ANKRD26: variants seen among roughly 807,000 people sequenced by gnomAD.
The protein encoded by ANKRD26 is ankyrin repeat domain 26, also known as ankyrin repeat domain-containing protein 26.
A neutral mutation model predicts 208.7 loss-of-function variants in ANKRD26; 141 were observed. The ratio of observed to expected loss-of-function variants is 0.68; its 90% CI spans 0.59 to 0.78. The LOEUF (loss-of-function observed/expected upper bound fraction) is 0.78. ANKRD26 is among the 30% of genes least tolerant of loss of function. The pLI is 0.00. For missense variants in ANKRD26, 1,889 were observed against 1,938.7 expected, an observed-to-expected ratio of 0.97 and a Z score of 0.48; for synonymous variants, 636 against 660.4, an observed-to-expected ratio of 0.96 and a Z score of 0.57.
intron 33 of ANKRD26, 128 bp from the exon 34 acceptor site, chr10:27,005,851 T>C: frequency 9.8e-6 from 11 of 1,126,006 alleles, no homozygotes; most frequent in Non-Finnish European, 1.3e-5. Flanking sequence ...TGCACAACTA[T>C]TATACAATAT....
At chr10:27,082,875 G>GA in intron 5 of ANKRD26, 42 bp from the exon 6 acceptor site, 1 of 1,556,676 alleles carries the variant, frequency 6.4e-7, no homozygotes, top group African/African-American at 1.4e-5. Flanking sequence ...ATCAACAATA[G>GA]AAAAATATAT....
chr10:27,050,580 A>C (rs1406198793), intron 16 of ANKRD26, among the ~76,000 whole-genome samples: 1 of 152,236 alleles, frequency 6.6e-6, no homozygotes, highest in Non-Finnish European at 1.5e-5. Flanking sequence ...AAAGCACATT[A>C]AAAAGATCCC....
At chr10:27,070,207 C>G (rs2055430785) in intron 9 of ANKRD26, among the ~76,000 whole-genome samples, 1 of 151,452 alleles carries the variant, frequency 6.6e-6, no homozygotes, top group Non-Finnish European at 1.5e-5. Context: ...GTGTTCAAGA[C>G]CAGCCAACAT....
Position 26,977,298 on chromosome 10 carries a change from C to G in ANKRD26, c.*282-1256G>C, listed in dbSNP as rs1473289629. ...GAGAAAAGGTCAGGTGAATGTACAT[C>G]TTTATCTACATGTCTAAAATTGTAT... is the stretch of plus-strand genomic sequence containing the variant. On this transcript the variant is annotated intron_variant and NMD_transcript_variant, in intron 5 of 5. Coordinates refer to the ANKRD26 transcript ENST00000674670. 7.2e-5 allele frequency among the ~76,000 whole-genome samples: 11 copies of G among 152,116 alleles called. No individual in the cohort carries two copies. The East Asian group carries it at 1.5e-3, about 21-fold the overall frequency.
chr10:27,023,386 T>A (rs1338972585), intron 28 of ANKRD26, among the ~76,000 whole-genome samples: 2 of 149,110 alleles, frequency 1.3e-5, no homozygotes, highest in South Asian at 2.1e-4. Context: ...ACATGAATGG[T>A]TGAAAAAGAC....
At chr10:26,991,674 C>T (rs1210715910), downstream of ANKRD26, among the ~76,000 whole-genome samples, 1 of 152,186 alleles carries the variant, frequency 6.6e-6, no homozygotes, top group Non-Finnish European at 1.5e-5. Context: ...CTCCCCACCT[C>T]AGGTGATCCA....
the ANKRD26 span, among the ~76,000 whole-genome samples, chr10:26,956,621 G>A: frequency 6.6e-6 from 1 of 151,910 alleles, no homozygotes; most frequent in East Asian, 1.9e-4. Context: ...GACTGAGTGA[G>A]CTTGTGTCTC....
the ANKRD26 span, among the ~76,000 whole-genome samples, chr10:26,954,189 C>T: frequency 6.6e-6 from 1 of 152,148 alleles, no homozygotes; most frequent in Non-Finnish European, 1.5e-5. Flanking sequence ...CCATATTAGC[C>T]AATTTTTATT....
chr10:26,965,078 G>A, the ANKRD26 span, among the ~76,000 whole-genome samples: 1 of 152,112 alleles, frequency 6.6e-6, no homozygotes, highest in Non-Finnish European at 1.5e-5. Flanking sequence ...TAGATTCAAT[G>A]CCATCCCCAT....
At chr10:27,094,721 G>A (rs2056410698) in intron 1 of ANKRD26, among the ~76,000 whole-genome samples, 1 of 152,202 alleles carries the variant, frequency 6.6e-6, no homozygotes, top group Admixed American at 6.5e-5. Flanking sequence ...CAGCGATAAG[G>A]CCAGGCATGG....
In ANKRD26 at chr10:27,035,535, G is replaced by T. The variant is rs1250140494; in HGVS notation, c.2915C>A (p.Ser972Tyr). ...QNEETLTQTI[S>Y]QYNGRLSVLT... is the part of the protein sequence containing the mutation. ...AACACTAAGCCGTCCATTATACTGG[G>T]ATATTGTTTGTGTTAATGTTTCCTC... The change falls in exon 24 of 34, where the codon TCC (serine) becomes TAC (tyrosine). Residue 972 changes from serine to tyrosine, a missense_variant. Physicochemically the swap from Ser to Tyr is moderately radical, Grantham distance 144 (BLOSUM62 -2). Transcript: ENST00000376087. The T allele has an allele frequency of 3.7e-6, 6 of 1,613,738 alleles. No individual in the cohort carries two copies. The highest frequency in any genetic ancestry group is 5.1e-6 in the Non-Finnish European group (6 of 1,179,876).
intron 4 of ANKRD26, among the ~76,000 whole-genome samples, chr10:26,995,648 T>A (rs1454207403): frequency 6.6e-6 from 1 of 152,160 alleles, no homozygotes; most frequent in South Asian, 2.1e-4. Flanking sequence ...ATGGGGAAAG[T>A]TAAACTACGC....
intron 4 of ANKRD26, among the ~76,000 whole-genome samples, chr10:26,997,755 T>C (rs553380682): frequency 1.7e-3 from 263 of 152,314 alleles, no homozygotes; most frequent in African/African-American, 6.1e-3. Flanking sequence ...CAGGTAGCCA[T>C]GTGTTTCGGA....
chr10:27,085,400 G>T (rs2056081019), intron 5 of ANKRD26, among the ~76,000 whole-genome samples: 1 of 152,134 alleles, frequency 6.6e-6, no homozygotes, highest in Non-Finnish European at 1.5e-5. Context: ...CACCTGGCCA[G>T]AAGAACACAT....
intron 16 of ANKRD26, chr10:27,051,773 A>G: frequency 1.0e-6 from 1 of 985,358 alleles, no homozygotes; most frequent in East Asian, 1.1e-4. Flanking sequence ...AATCAAGTAT[A>G]TTATTTGTCA....
At position 27,037,239 on chromosome 10, in the gene ANKRD26, G is replaced by T. The variant is rs2054074053; in HGVS notation, c.2644C>A (p.His882Asn). 1 of 1,613,746 alleles carries T rather than the reference G, an allele frequency of 6.2e-7. No individual in the cohort carries two copies. The highest frequency in any genetic ancestry group is 8.5e-7 in the Non-Finnish European group (1 of 1,179,836). Residue 882 changes from histidine (H) to asparagine (N), a missense_variant, in exon 23 of 34, where the codon CAC (histidine) becomes AAC (asparagine). Physicochemically the swap from His to Asn is moderately conservative, Grantham distance 68. Around this residue, in one of 3 missense-constraint regions of ANKRD26, gnomAD observed 1,272 missense variants for 1,273.8 expected, o/e 1.00. Coordinates refer to ENST00000376087, the MANE Select transcript of ANKRD26 (RefSeq NM_014915.3). ...RMLQDGILTN[H>N]LSKQKEIEMA... ...TCAATCTCCTTTTGTTTGGAAAGGTGATTGGTCAGAATTCCATCTTGTAAC... is the reference window on the plus strand; with the variant it reads ...TCAATCTCCTTTTGTTTGGAAAGGTTATTGGTCAGAATTCCATCTTGTAAC...
At chr10:26,954,112 T>C in the ANKRD26 span, among the ~76,000 whole-genome samples, 1 of 152,242 alleles carries the variant, frequency 6.6e-6, no homozygotes, top group Non-Finnish European at 1.5e-5. Context: ...TACACAGTTA[T>C]TCCCCCAGGA....
chr10:27,054,051 A>G (rs574370128), intron 15 of ANKRD26, among the ~76,000 whole-genome samples: 2 of 152,166 alleles, frequency 1.3e-5, no homozygotes, highest in African/African-American at 4.8e-5. Flanking sequence ...GTCTTCCTCG[A>G]TTAGAGCTAT....
Position 27,100,392 on chromosome 10 carries a change from CAACATAACAAGTCAG to C in ANKRD26, c.-81_-67del, listed in dbSNP as rs1304224260. On this transcript the variant is annotated 5_prime_UTR_variant, in exon 1 of 34. It removes an upstream start codon present in the reference 5' UTR. Transcript: ENST00000376087. ...TCGGCTCTTAACGGCCTCCGGAGCC[CAACATAACAAGTCAG>C]CCCCGGCTGGCCGCAGCCTCCCAAA... The C allele has an allele frequency of 6.3e-7, 1 of 1,593,528 alleles. No individual in the cohort carries two copies. The highest frequency in any genetic ancestry group is 8.5e-7 in the Non-Finnish European group (1 of 1,177,486).
Sources: allele counts gnomAD v4.1 joint callset (sites outside exome capture counted in the v4.1 genomes callset), GRCh38; gene constraint gnomAD v4.1.1; regional missense constraint gnomAD v4.1.1; transcripts MANE v1.5; gene names NCBI Gene and HGNC (gene_info 2026-07-23, HGNC 2026-07-21).